The following CAST variants were observed in gnomAD, a reference collection of about 807,000 sequenced individuals.
CAST encodes calpastatin, also known as MIR583 host.
Under a neutral mutation model 119.6 loss-of-function variants are expected in CAST, and 76 were observed. The ratio of observed to expected loss-of-function variants is 0.64; its 90% CI spans 0.53 to 0.77. The LOEUF (loss-of-function observed/expected upper bound fraction) is 0.77. Among genes scored for constraint, CAST ranks in the 30% least tolerant of loss-of-function variants. The probability of loss-of-function intolerance (pLI) is 0.00; values close to 1 mark genes in which losing one functional copy is unlikely to be tolerated. For missense variants in CAST, 953 were observed against 946.5 expected (o/e 1.01, Z -0.09); for synonymous variants, 319 against 331.6 (o/e 0.96, Z 0.41).
the CAST span, among the ~76,000 whole-genome samples, chr5:96,371,397 A>G: frequency 5.9e-5 from 9 of 152,192 alleles, no homozygotes; most frequent in Non-Finnish European, 2.9e-5. Context: ...ATCGCTGTCA[A>G]CTGTTGATGA....
chr5:96,053,930 A>G, the CAST span, among the ~76,000 whole-genome samples: 1 of 152,158 alleles, frequency 6.6e-6, no homozygotes, highest in Non-Finnish European at 1.5e-5. Context: ...AGCTTTAGAA[A>G]AACTAAATAG....
chr5:96,243,827 A>G, the CAST span, among the ~76,000 whole-genome samples: 4 of 152,180 alleles, frequency 2.6e-5, no homozygotes, highest in African/African-American at 9.7e-5. Flanking sequence ...ATCTTATCTT[A>G]ATGGCAGTAT....
chr5:96,439,990 C>T, the CAST span, among the ~76,000 whole-genome samples: 1 of 151,914 alleles, frequency 6.6e-6, no homozygotes, highest in African/African-American at 2.4e-5. Context: ...AGAAGTGGCC[C>T]ACGGCACATT....
chr5:96,032,094 T>C, the CAST span, among the ~76,000 whole-genome samples: 2 of 152,158 alleles, frequency 1.3e-5, no homozygotes, highest in African/African-American at 4.8e-5. Context: ...TGAAGTCACA[T>C]TCCATCACTC....
chr5:96,387,685 G>T, the CAST span, among the ~76,000 whole-genome samples: 1 of 152,146 alleles, frequency 6.6e-6, no homozygotes, highest in Admixed American at 6.5e-5. Flanking sequence ...TGGAAATTAT[G>T]CATGATATGT....
the CAST span, among the ~76,000 whole-genome samples, chr5:96,115,830 T>TA: frequency 6.6e-6 from 1 of 152,150 alleles, no homozygotes; most frequent in Non-Finnish European, 1.5e-5. Context: ...TCGAATCTGT[T>TA]ACGAAATTGT....
At chr5:96,010,385 C>T in the CAST span, among the ~76,000 whole-genome samples, 1 of 152,180 alleles carries the variant, frequency 6.6e-6, no homozygotes, top group African/African-American at 2.4e-5. Context: ...GATCTCAGCT[C>T]ACTGCAATCT....
chr5:96,646,768 T>G (rs1477034432), intron 1 of CAST, among the ~76,000 whole-genome samples: 3 of 152,214 alleles, frequency 2.0e-5, no homozygotes, highest in Non-Finnish European at 4.4e-5. Context: ...TCTATTATAA[T>G]TTTAGATATC....
At chr5:96,697,127 C>T (rs1753395081) in intron 3 of CAST, among the ~76,000 whole-genome samples, 1 of 151,850 alleles carries the variant, frequency 6.6e-6, no homozygotes, top group Non-Finnish European at 1.5e-5. Flanking sequence ...GAGATAGCGC[C>T]ACTGCACTCC....
the CAST span, among the ~76,000 whole-genome samples, chr5:96,335,281 C>G: frequency 1.3e-5 from 2 of 152,220 alleles, no homozygotes; most frequent in Non-Finnish European, 2.9e-5. Flanking sequence ...TCTGCATCCC[C>G]TGCAATCTGG....
the CAST span, among the ~76,000 whole-genome samples, chr5:96,109,149 G>C: frequency 6.9e-4 from 105 of 152,284 alleles, no homozygotes; most frequent in South Asian, 4.6e-3. Context: ...AGATGAACCC[G>C]GTACCTCAGA....
At chr5:96,620,871 A>G (rs1747589798) in intron 1 of CAST, among the ~76,000 whole-genome samples, 1 of 152,352 alleles carries the variant, frequency 6.6e-6, no homozygotes, top group Middle Eastern at 3.4e-3. Flanking sequence ...GCACATTGCC[A>G]TTTAGTAAAG....
At chr5:96,662,559 T>C in intron 1 of CAST, 62 bp downstream of exon 1, 1 of 1,325,048 alleles carries the variant, frequency 7.5e-7, no homozygotes. Context: ...CCCGGAGCTG[T>C]GGCCGCCCTC....
the CAST span, among the ~76,000 whole-genome samples, chr5:96,123,890 T>C: frequency 2.0e-5 from 3 of 152,064 alleles, no homozygotes; most frequent in African/African-American, 4.8e-5. Flanking sequence ...AGATTTTTTT[T>C]CCCCCTGCTT....
the CAST span, among the ~76,000 whole-genome samples, chr5:96,243,378 T>G: frequency 1.3e-5 from 2 of 151,862 alleles, no homozygotes; most frequent in Non-Finnish European, 2.9e-5. Flanking sequence ...CCTAGGGTAA[T>G]GGAAGAAGAA....
chr5:95,976,482 G>GTA, the CAST span, among the ~76,000 whole-genome samples: 1 of 152,208 alleles, frequency 6.6e-6, no homozygotes, highest in South Asian at 2.1e-4. Flanking sequence ...TGTGGTTCAT[G>GTA]TATATAGCTG....
At chr5:96,061,863 C>T in the CAST span, among the ~76,000 whole-genome samples, 1 of 152,034 alleles carries the variant, frequency 6.6e-6, no homozygotes, top group Non-Finnish European at 1.5e-5. Flanking sequence ...TTAATCTCCA[C>T]CAGAGAGCAT....
chr5:96,613,117 T>C (rs1747392551), intron 1 of CAST, among the ~76,000 whole-genome samples: 1 of 152,228 alleles, frequency 6.6e-6, no homozygotes, highest in Non-Finnish European at 1.5e-5. Context: ...TAATAAGTCT[T>C]GATATCTGGT....
At chr5:96,183,264 GTTTGC>G in the CAST span, among the ~76,000 whole-genome samples, 1 of 150,848 alleles carries the variant, frequency 6.6e-6, no homozygotes, top group African/African-American at 2.4e-5. Flanking sequence ...CATTTCCTAT[GTTTGC>G]TTTGATGAAG....
Sources: gnomAD v4.1 joint callset for allele counts (sites outside exome capture counted in the v4.1 genomes callset) on GRCh38, gnomAD v4.1.1 for gene constraint, MANE v1.5 for transcripts, NCBI Gene and HGNC (gene_info 2026-07-23, HGNC 2026-07-21) for gene names.